Variants in HHAT observed in about 807,000 individuals in gnomAD.
The protein encoded by HHAT is hedgehog acyltransferase, also known as protein-cysteine N-palmitoyltransferase HHAT.
Under a neutral mutation model 70.8 loss-of-function variants are expected in HHAT, and 47 were observed. The observed-to-expected ratio is 0.66, with a 90% confidence interval of 0.53 to 0.85. The LOEUF is 0.85. HHAT is among the 40% of genes least tolerant of loss of function. The probability of loss-of-function intolerance (pLI) is 0.00; values close to 1 mark genes in which losing one functional copy is unlikely to be tolerated. For missense variants in HHAT, 609 were observed against 604.8 expected, an observed-to-expected ratio of 1.01 and a Z score of -0.07; for synonymous variants, 228 against 247.6, an observed-to-expected ratio of 0.92 and a Z score of 0.74.
intron 9 of HHAT, among the ~76,000 whole-genome samples, chr1:210,560,165 C>T (rs1339531819): frequency 6.6e-6 from 1 of 152,224 alleles, no homozygotes; most frequent in Admixed American, 6.5e-5. Flanking sequence ...TTGTACCCTT[C>T]TAAGGACTAG....
At chr1:210,618,500 C>T (rs1444902214) in intron 10 of HHAT, among the ~76,000 whole-genome samples, 1 of 152,228 alleles carries the variant, frequency 6.6e-6, no homozygotes, top group Admixed American at 6.5e-5. Context: ...AGCTTCTCCA[C>T]CACTTAAAAA....
chr1:210,482,904 ACT>A (rs1214795768), intron 8 of HHAT, among the ~76,000 whole-genome samples: 1 of 151,944 alleles, frequency 6.6e-6, no homozygotes, highest in Non-Finnish European at 1.5e-5. Flanking sequence ...GCTTTTCATC[ACT>A]CTCTTCTCAT....
chr1:210,560,568 T>C (rs76524964), intron 9 of HHAT, among the ~76,000 whole-genome samples: 9,348 of 151,298 alleles, frequency 0.062, 921 homozygotes, highest in African/African-American at 0.21. Context: ...GTGGTCCCAT[T>C]ACTTTGGGAG....
chr1:210,555,675 T>C (rs1325256991), intron 9 of HHAT, among the ~76,000 whole-genome samples: 2 of 152,226 alleles, frequency 1.3e-5, no homozygotes, highest in East Asian at 3.8e-4. Context: ...CTGGAACCTA[T>C]TGGGTATTAC....
At chr1:210,498,832 C>T (rs761109453) in intron 8 of HHAT, among the ~76,000 whole-genome samples, 10 of 145,524 alleles carry the variant, frequency 6.9e-5, no homozygotes, top group African/African-American at 1.5e-4. Flanking sequence ...GTCAGTGGTG[C>T]GATCTCAGCT....
chr1:210,558,744 GA>G (rs147717991), intron 9 of HHAT, among the ~76,000 whole-genome samples: 9,068 of 152,142 alleles, frequency 0.06, 856 homozygotes, highest in African/African-American at 0.2. Flanking sequence ...AGCTCTATAG[GA>G]AAAAGGCTTT....
intron 10 of HHAT, among the ~76,000 whole-genome samples, chr1:210,619,361 C>T (rs556721238): frequency 6.6e-6 from 1 of 152,176 alleles, no homozygotes; most frequent in African/African-American, 2.4e-5. Flanking sequence ...TGTCTGTGGC[C>T]GGGGGCACAG....
At chr1:210,565,124 C>T (rs1480942410) in intron 9 of HHAT, among the ~76,000 whole-genome samples, 2 of 152,094 alleles carry the variant, frequency 1.3e-5, no homozygotes, top group African/African-American at 4.8e-5. Context: ...AGCTAACAAG[C>T]AGAGTTAGCC....
intron 8 of HHAT, among the ~76,000 whole-genome samples, chr1:210,510,800 C>T (rs956683028): frequency 5.9e-5 from 9 of 152,154 alleles, no homozygotes; most frequent in African/African-American, 1.4e-4. Flanking sequence ...TATAATTTCT[C>T]ATTATTAGGT....
chr1:210,647,771 A>G (rs541790768), intron 11 of HHAT, among the ~76,000 whole-genome samples: 1 of 152,348 alleles, frequency 6.6e-6, no homozygotes, highest in East Asian at 1.9e-4. Flanking sequence ...ATTATTGAAC[A>G]TCTGTTATGC....
chr1:210,439,119 A>AT (rs1164693470), intron 7 of HHAT, among the ~76,000 whole-genome samples: 1 of 151,868 alleles, frequency 6.6e-6, no homozygotes, highest in Admixed American at 6.6e-5. Context: ...GAAATAAAGA[A>AT]TTTCGTTGTC....
intron 7 of HHAT, among the ~76,000 whole-genome samples, chr1:210,432,430 G>A (rs528916608): frequency 6.6e-6 from 1 of 152,056 alleles, no homozygotes; most frequent in East Asian, 1.9e-4. Context: ...AAGAGGCTGC[G>A]TAAGAGGGGA....
intron 8 of HHAT, among the ~76,000 whole-genome samples, chr1:210,490,667 G>A (rs1304555246): frequency 6.6e-6 from 1 of 152,070 alleles, no homozygotes; most frequent in Non-Finnish European, 1.5e-5. Flanking sequence ...TTCACAAAGG[G>A]AACGAAAGAC....
chr1:210,348,663 G>A (rs561595442), intron 1 of HHAT, among the ~76,000 whole-genome samples: 1 of 152,070 alleles, frequency 6.6e-6, no homozygotes, highest in African/African-American at 2.4e-5. Context: ...ACTCTGATGG[G>A]AGACTGTGGG....
intron 6 of HHAT, among the ~76,000 whole-genome samples, chr1:210,408,631 G>A (rs906578880): frequency 5.3e-5 from 8 of 152,162 alleles, no homozygotes; most frequent in African/African-American, 1.9e-4. Flanking sequence ...GCTCAGAAGA[G>A]GCCAGTGTGC....
At chr1:210,623,391 A>T in intron 10 of HHAT, 135 bp from the exon 11 acceptor site, 1 of 940,728 alleles carries the variant, frequency 1.1e-6, no homozygotes, top group Non-Finnish European at 1.6e-6. Flanking sequence ...AAGTTTTGAG[A>T]GCTGTTTAAA....
chr1:210,666,939 G>A (rs1354736791), intron 11 of HHAT, among the ~76,000 whole-genome samples: 1 of 151,602 alleles, frequency 6.6e-6, no homozygotes, highest in East Asian at 2.0e-4. Context: ...AATTAGCTGG[G>A]CGCAGTGGCG....
At chr1:210,340,246 A>AGGG (rs1571708441) in intron 1 of HHAT, among the ~76,000 whole-genome samples, 5 of 80,328 alleles carry the variant, frequency 6.2e-5, no homozygotes, top group Admixed American at 9.7e-5. Flanking sequence ...GTCTCAGAAA[A>AGGG]AAAAAAAAAA....
At chr1:210,464,732 C>A in intron 8 of HHAT, 77 bp downstream of exon 8, 1 of 1,477,608 alleles carries the variant, frequency 6.8e-7, no homozygotes, top group South Asian at 1.2e-5. Context: ...TCAAAGGGTT[C>A]GGGCTACTAT....
Sources: allele counts gnomAD v4.1 joint callset (sites outside exome capture counted in the v4.1 genomes callset), GRCh38; gene constraint gnomAD v4.1.1; transcripts MANE v1.5; gene names NCBI Gene and HGNC (gene_info 2026-07-23, HGNC 2026-07-21).